THOC1: variants seen among roughly 807,000 people sequenced by gnomAD.
THOC1 encodes THO complex subunit 1.
THOC1 carries 29 observed loss-of-function variants against 97.3 expected under a neutral mutation model. The observed-to-expected ratio is 0.30, with a 90% confidence interval of 0.22 to 0.41. The LOEUF (loss-of-function observed/expected upper bound fraction) is 0.41, where lower values mean the gene tolerates loss of function less well. Ranked by LOEUF, THOC1 falls within the 10% of genes least tolerant of loss-of-function variation. The pLI is 1.00. For missense variants in THOC1, 529 were observed against 761.9 expected (o/e 0.69, Z 3.60); for synonymous variants, 255 against 257.0 (o/e 0.99, Z 0.07).
intron 9 of THOC1, among the ~76,000 whole-genome samples, chr18:249,695 A>G (rs1912218483): frequency 6.6e-6 from 1 of 151,766 alleles, no homozygotes; most frequent in South Asian, 2.1e-4. Context: ...CAAAAAGAAC[A>G]TTCCCTAAAA....
chr18:246,703 G>A (rs1912100277), intron 10 of THOC1, among the ~76,000 whole-genome samples: 1 of 152,054 alleles, frequency 6.6e-6, no homozygotes. Context: ...TTGGCCAGTG[G>A]TGGTGGCTCA....
At chr18:247,594 T>G (rs1260267772) in intron 10 of THOC1, among the ~76,000 whole-genome samples, 2 of 152,232 alleles carry the variant, frequency 1.3e-5, no homozygotes, top group Non-Finnish European at 2.9e-5. Context: ...AAATATCAAT[T>G]TATGTTAACA....
At chr18:249,094 G>C (rs186369358) in intron 9 of THOC1, among the ~76,000 whole-genome samples, 1 of 152,164 alleles carries the variant, frequency 6.6e-6, no homozygotes, top group Non-Finnish European at 1.5e-5. Context: ...TAAACGGCTA[G>C]TATCTGAAGC....
intron 9 of THOC1, among the ~76,000 whole-genome samples, chr18:248,279 G>A (rs8096369): frequency 0.16 from 24,288 of 152,116 alleles, 2,289 homozygotes; most frequent in African/African-American, 0.25. Flanking sequence ...AGTTGAGAGC[G>A]GAAGTCATAT....
At chr18:220,549 T>C (rs1455679594) in intron 17 of THOC1, among the ~76,000 whole-genome samples, 2 of 152,216 alleles carry the variant, frequency 1.3e-5, no homozygotes, top group African/African-American at 4.8e-5. Context: ...AAATTATTTT[T>C]ATCCATAATT....
Position 248,243 on chromosome 18 carries a change from G to A in THOC1, c.678-286C>T, listed in dbSNP as rs534927541. Among the ~76,000 whole-genome samples, 5 of 152,294 alleles carry A rather than the reference G, an allele frequency of 3.3e-5. No individual in the cohort carries two copies. In the East Asian group the frequency reaches 7.7e-4, roughly 24 times the overall value. The stretch of plus-strand genomic sequence containing the variant: ...CCCAACCAATCTTGCTGCTCGCATG[G>A]TCATGTGATTAAATTCTGGCCAATC... On this transcript the variant is annotated intron_variant, in intron 9 of 20. Transcript: ENST00000261600.
At chr18:240,195 C>T (rs1911850084) in intron 11 of THOC1, among the ~76,000 whole-genome samples, 1 of 152,210 alleles carries the variant, frequency 6.6e-6, no homozygotes, top group Non-Finnish European at 1.5e-5. Flanking sequence ...CTAGTCTCCT[C>T]TGCTAAGCCT....
chr18:225,216 G>A (rs1225787025), intron 13 of THOC1, 77 bp from the exon 14 acceptor site: 15 of 1,523,724 alleles, frequency 9.8e-6, no homozygotes, highest in African/African-American at 2.8e-5. Context: ...GAGAACCAAG[G>A]AGTGTTTGTG....
chr18:247,610 C>T (rs1458330134), intron 10 of THOC1, among the ~76,000 whole-genome samples: 2 of 152,186 alleles, frequency 1.3e-5, no homozygotes, highest in Non-Finnish European at 2.9e-5. Flanking sequence ...TAACAACACT[C>T]ATTATATTCA....
At chr18:224,443 G>A (rs1209782601) in intron 15 of THOC1, among the ~76,000 whole-genome samples, 1 of 151,988 alleles carries the variant, frequency 6.6e-6, no homozygotes, top group Non-Finnish European at 1.5e-5. Flanking sequence ...GCCAGGCATG[G>A]TGGTAGGCGC....
intron 8 of THOC1, among the ~76,000 whole-genome samples, chr18:253,594 T>A (rs1483283912): frequency 6.6e-6 from 1 of 152,194 alleles, no homozygotes; most frequent in Non-Finnish European, 1.5e-5. Context: ...ATAGAAATAA[T>A]ATGAATTTAT....
intron 11 of THOC1, among the ~76,000 whole-genome samples, chr18:239,065 C>A (rs1164109513): frequency 6.6e-6 from 1 of 152,148 alleles, no homozygotes; most frequent in African/African-American, 2.4e-5. Flanking sequence ...GGATTATTTA[C>A]ACATAAACAT....
At chr18:236,715 G>A (rs1404184477) in intron 11 of THOC1, among the ~76,000 whole-genome samples, 1 of 152,058 alleles carries the variant, frequency 6.6e-6, no homozygotes, top group Non-Finnish European at 1.5e-5. Context: ...TGGTGCACCC[G>A]GAAGACAAAT....
chr18:248,897 C>T (rs941952968), intron 9 of THOC1, among the ~76,000 whole-genome samples: 2 of 152,026 alleles, frequency 1.3e-5, no homozygotes, highest in South Asian at 2.1e-4. Flanking sequence ...ACTACAGGCA[C>T]CCGCCACCAT....
intron 18 of THOC1, among the ~76,000 whole-genome samples, chr18:218,054 G>A (rs559764725): frequency 4.6e-5 from 7 of 152,308 alleles, no homozygotes; most frequent in African/African-American, 1.7e-4. Flanking sequence ...CACAACTAGA[G>A]AGATTAGTTA....
In THOC1 at chr18:232,824, T is replaced by C. The variant is rs552109804; in HGVS notation, c.919-5923A>G. On this transcript the variant is annotated intron_variant, in intron 11 of 20. Transcript: ENST00000261600. ...TCTCATATTTTATCTGCACTAGAGA[T>C]GCTTAGCAACTTTTATAAGCTCATT... is the stretch of plus-strand genomic sequence containing the variant. Among the ~76,000 whole-genome samples, 474 of 152,302 alleles carry C rather than the reference T, an allele frequency of 3.1e-3. 5 individuals carry two copies. Among genetic ancestry groups the C allele is most frequent in the Non-Finnish European group, 5.1e-3 (348 of 68,020 alleles).
At chr18:235,604 G>A (rs1353842214) in intron 11 of THOC1, among the ~76,000 whole-genome samples, 1 of 151,896 alleles carries the variant, frequency 6.6e-6, no homozygotes, top group African/African-American at 2.4e-5. Context: ...TTTAACTCCT[G>A]GGAAATGCAT....
At chr18:243,963 C>T (rs528535406) in intron 11 of THOC1, among the ~76,000 whole-genome samples, 31 of 152,024 alleles carry the variant, frequency 2.0e-4, no homozygotes, top group Middle Eastern at 3.4e-3. Flanking sequence ...TTCTGCCATT[C>T]GCTGGATTTA....
At chr18:248,459 C>T (rs566829551) in intron 9 of THOC1, among the ~76,000 whole-genome samples, 6 of 152,160 alleles carry the variant, frequency 3.9e-5, no homozygotes, top group Non-Finnish European at 8.8e-5. Flanking sequence ...GAGCAGTGCT[C>T]CCTTACCAGC....
Sources: allele counts gnomAD v4.1 joint callset (sites outside exome capture counted in the v4.1 genomes callset), GRCh38; gene constraint gnomAD v4.1.1; transcripts MANE v1.5; gene names NCBI Gene and HGNC (gene_info 2026-07-23, HGNC 2026-07-21).